HDAC9: variants seen among roughly 807,000 people sequenced by gnomAD.
The protein encoded by HDAC9 is MEF-2 interacting transcription repressor (MITR) protein.
A neutral mutation model predicts 139.4 loss-of-function variants in HDAC9; 41 were observed. The ratio of observed to expected loss-of-function variants is 0.29; its 90% CI spans 0.23 to 0.38. The LOEUF (loss-of-function observed/expected upper bound fraction) is 0.38, where lower values mean the gene tolerates loss of function less well. Ranked by LOEUF, HDAC9 falls within the 10% of genes least tolerant of loss-of-function variation. The pLI is 1.00. For synonymous variants in HDAC9, 517 were observed against 476.2 expected (o/e 1.09, Z -1.12); for missense variants, 1,147 against 1,297.0 (o/e 0.88, Z 1.78).
chr7:18,980,360 C>T (rs1784822784), intron 25 of HDAC9, among the ~76,000 whole-genome samples: 1 of 152,158 alleles, frequency 6.6e-6, no homozygotes, highest in Non-Finnish European at 1.5e-5. Flanking sequence ...TCTTTTTCTT[C>T]ACTCCTTCAA....
At position 18,864,194 on chromosome 7, in the gene HDAC9, C is replaced by T. The variant is rs1327997771; in HGVS notation, c.2685-10284C>T. Among the ~76,000 whole-genome samples, 22 of 152,090 alleles carry T rather than the reference C, an allele frequency of 1.4e-4. 1 individual carries two copies. Among genetic ancestry groups the T allele is most frequent in the Admixed American group, 1.4e-3 (22 of 15,272 alleles). ...TATATAGATACAATAGAATATTATT[C>T]GGCCTTGCAAATGAAGGGATCCTGC... On this transcript the variant is annotated intron_variant, in intron 21 of 25. Coordinates refer to ENST00000686413, the MANE Select transcript of HDAC9 (RefSeq NM_178425.4).
intron 2 of HDAC9, among the ~76,000 whole-genome samples, chr7:18,262,700 A>C (rs1795757620): frequency 6.6e-6 from 1 of 152,226 alleles, no homozygotes; most frequent in African/African-American, 2.4e-5. Flanking sequence ...ATTCAGAAGT[A>C]ATTTGTGTAA....
intron 1 of HDAC9, among the ~76,000 whole-genome samples, chr7:18,462,019 T>C (rs77709278): frequency 0.012 from 1,866 of 152,218 alleles, 36 homozygotes; most frequent in African/African-American, 0.042. Flanking sequence ...TAAATGGTTA[T>C]GTTTTGACTA....
chr7:18,336,576 T>C (rs1053537497), intron 1 of HDAC9, among the ~76,000 whole-genome samples: 22 of 151,702 alleles, frequency 1.5e-4, no homozygotes, highest in African/African-American at 5.1e-4. Context: ...GCTGCAATCC[T>C]AGCCATTTGG....
intron 22 of HDAC9, among the ~76,000 whole-genome samples, chr7:18,911,249 G>A (rs531799456): frequency 6.0e-5 from 9 of 150,274 alleles, no homozygotes; most frequent in Non-Finnish European, 7.4e-5. Context: ...ACTTGTGTCC[G>A]TTTTATAGTT....
intron 1 of HDAC9, among the ~76,000 whole-genome samples, chr7:18,401,661 T>C (rs1452600643): frequency 2.0e-5 from 3 of 152,190 alleles, no homozygotes; most frequent in Non-Finnish European, 4.4e-5. Flanking sequence ...TTACATCATG[T>C]ATAGAGTAAA....
rs914177126 is a variant in HDAC9 at position 18,832,823 on chromosome 7, C to A, written c.2467-2644C>A. Among the ~76,000 whole-genome samples, 5 of 152,256 alleles carry A rather than the reference C, an allele frequency of 3.3e-5. No homozygotes were observed. The South Asian group carries it at 1.0e-3, about 32-fold the overall frequency. On this transcript the variant is annotated intron_variant, in intron 19 of 25. Coordinates refer to ENST00000686413, the MANE Select transcript of HDAC9 (RefSeq NM_178425.4). ...CGATCTCGGCTCACCGCAACCTCCACCTCCCGGGTTCAAGCGATTCTCCTG... is the reference window on the plus strand; with the variant it reads ...CGATCTCGGCTCACCGCAACCTCCAACTCCCGGGTTCAAGCGATTCTCCTG...
At chr7:18,693,787 T>A (rs2129099318) in intron 12 of HDAC9, among the ~76,000 whole-genome samples, 1 of 152,286 alleles carries the variant, frequency 6.6e-6, no homozygotes, top group Non-Finnish European at 1.5e-5. Context: ...AAATAAATCA[T>A]TTGAAGCTTG....
chr7:18,719,723 G>T (rs894533696), intron 12 of HDAC9, among the ~76,000 whole-genome samples: 4 of 152,040 alleles, frequency 2.6e-5, no homozygotes, highest in Non-Finnish European at 4.4e-5. Flanking sequence ...TTTCGTCTGA[G>T]AATATTATAG....
chr7:18,561,876 T>A (rs1324972949), intron 2 of HDAC9, among the ~76,000 whole-genome samples: 2 of 152,236 alleles, frequency 1.3e-5, no homozygotes, highest in Non-Finnish European at 2.9e-5. Flanking sequence ...TTTCGCCTTT[T>A]GGCTACTATG....
chr7:18,811,321 G>A (rs1475608081), intron 17 of HDAC9, among the ~76,000 whole-genome samples: 1 of 151,614 alleles, frequency 6.6e-6, no homozygotes, highest in Non-Finnish European at 1.5e-5. Flanking sequence ...AGTTTTCAAA[G>A]TGGAAGCTGA....
At chr7:18,958,771 C>G (rs1389613225) in intron 24 of HDAC9, among the ~76,000 whole-genome samples, 3 of 152,108 alleles carry the variant, frequency 2.0e-5, no homozygotes, top group Non-Finnish European at 4.4e-5. Flanking sequence ...TATTTATACT[C>G]CTTGGCACAC....
At chr7:18,149,527 TTTTA>T (rs1297667384) in intron 1 of HDAC9, among the ~76,000 whole-genome samples, 2 of 150,162 alleles carry the variant, frequency 1.3e-5, no homozygotes, top group Non-Finnish European at 3.0e-5. Flanking sequence ...GGCTAAGGTT[TTTTA>T]TTTATTTATT....
At chr7:18,506,740 C>T (rs533133248) in intron 2 of HDAC9, among the ~76,000 whole-genome samples, 1 of 152,122 alleles carries the variant, frequency 6.6e-6, no homozygotes, top group East Asian at 1.9e-4. Context: ...AGCTTTATTA[C>T]CACAATATAT....
intron 6 of HDAC9, among the ~76,000 whole-genome samples, chr7:18,623,681 C>T (rs546023253): frequency 3.3e-5 from 5 of 152,264 alleles, no homozygotes; most frequent in South Asian, 2.1e-4. Flanking sequence ...CAGTGGCTCA[C>T]GCTTGTAATC....
chr7:18,619,715 T>C (rs984263625), intron 6 of HDAC9, among the ~76,000 whole-genome samples: 2 of 152,196 alleles, frequency 1.3e-5, no homozygotes, highest in African/African-American at 4.8e-5. Context: ...AAGTATCTCA[T>C]AGATTAACTA....
intron 1 of HDAC9, among the ~76,000 whole-genome samples, chr7:18,149,133 AT>A (rs1786561439): frequency 6.6e-6 from 1 of 152,074 alleles, no homozygotes; most frequent in Non-Finnish European, 1.5e-5. Flanking sequence ...AATTGGATGG[AT>A]GTGTTTTGGT....
intron 22 of HDAC9, among the ~76,000 whole-genome samples, chr7:18,897,072 T>G (rs1801266963): frequency 6.6e-6 from 1 of 152,026 alleles, no homozygotes; most frequent in South Asian, 2.1e-4. Context: ...TTTTTCTAGT[T>G]TAAAACCACA....
chr7:18,618,588 C>A (rs1000218087), intron 6 of HDAC9, among the ~76,000 whole-genome samples: 1 of 151,826 alleles, frequency 6.6e-6, no homozygotes, highest in African/African-American at 2.4e-5. Context: ...CACTCTCTCA[C>A]GCAGTCAGTT....
Sources: gnomAD v4.1 joint callset for allele counts (sites outside exome capture counted in the v4.1 genomes callset) on GRCh38, gnomAD v4.1.1 for gene constraint, MANE v1.5 for transcripts, NCBI Gene and HGNC (gene_info 2026-07-23, HGNC 2026-07-21) for gene names.